The following CCR9 variants were observed in gnomAD, a reference collection of about 807,000 sequenced individuals.
The protein encoded by CCR9 is C-C chemokine receptor type 9.
Under a neutral mutation model 8.7 loss-of-function variants are expected in CCR9, and 4 were observed. That is an observed-to-expected ratio of 0.46 (90% CI 0.23 to 1.06). The LOEUF (loss-of-function observed/expected upper bound fraction) is 1.06, where lower values mean the gene tolerates loss of function less well. Among genes scored for constraint, CCR9 ranks in the 50% least tolerant of loss-of-function variants. The pLI, the probability that CCR9 is intolerant of heterozygous loss-of-function variation, is 0.21. For missense variants in CCR9, 394 were observed against 453.6 expected, an observed-to-expected ratio of 0.87 and a Z score of 1.19; for synonymous variants, 159 against 168.8, an observed-to-expected ratio of 0.94 and a Z score of 0.45.
chr3:45,895,983 G>A (rs1702343654), intron 2 of CCR9, among the ~76,000 whole-genome samples: 1 of 152,192 alleles, frequency 6.6e-6, no homozygotes, highest in South Asian at 2.1e-4. Context: ...ATGATCTATG[G>A]AGAGTGGTGG....
chr3:45,892,668 C>T (rs186998144), intron 1 of CCR9, among the ~76,000 whole-genome samples: 73 of 152,132 alleles, frequency 4.8e-4, no homozygotes, highest in African/African-American at 1.6e-3. Flanking sequence ...CCCCATGACG[C>T]GCAATTTACC....
chr3:45,894,967 G>A lies in CCR9; in HGVS notation c.21+13G>A, dbSNP rs201312364. On this transcript the variant is annotated intron_variant, in intron 2 of 2. Coordinates refer to ENST00000357632, the MANE Select transcript of CCR9 (RefSeq NM_031200.3). ...CACAGACTTCACAGTGAGTACAGCCGTGCTCCTCTGGCTCCTCAAAACACA... is the reference window on the plus strand; with the variant it reads ...CACAGACTTCACAGTGAGTACAGCCATGCTCCTCTGGCTCCTCAAAACACA... 52 of 1,613,368 alleles carry A rather than the reference G, an allele frequency of 3.2e-5. No homozygotes were observed. In the Admixed American group the frequency reaches 4.3e-4, roughly 13 times the overall value.
At chr3:45,891,891 C>T (rs958560918) in intron 1 of CCR9, among the ~76,000 whole-genome samples, 4 of 152,094 alleles carry the variant, frequency 2.6e-5, no homozygotes, top group Non-Finnish European at 5.9e-5. Flanking sequence ...TTTAGGTTGA[C>T]CTTTTTTCCA....
intron 1 of CCR9, among the ~76,000 whole-genome samples, chr3:45,890,490 C>G (rs9862611): frequency 0.52 from 75,965 of 147,322 alleles, 22,609 homozygotes; most frequent in African/African-American, 0.83. Flanking sequence ...TCATCTGGGG[C>G]AAAAAAAAGA....
At position 45,901,977 on chromosome 3, in the gene CCR9, G is replaced by A. The variant is rs1391511834; in HGVS notation, c.*79G>A. 1.7e-6 allele frequency: 2 copies of A among 1,164,426 alleles called. No individual in the cohort carries two copies. The highest frequency in any genetic ancestry group is 2.4e-6 in the Non-Finnish European group (2 of 823,998). The allele number at this position is 1,164,426 out of a possible 1,614,324, so 72.1% of individuals were successfully genotyped here. ...CAGTTTCCCCACTGATGGGACCAGAGAGAGTGAAAGAGAAAAGAAAACTCA... is the reference window on the plus strand; with the variant it reads ...CAGTTTCCCCACTGATGGGACCAGAAAGAGTGAAAGAGAAAAGAAAACTCA... On this transcript the variant is annotated 3_prime_UTR_variant, in exon 3 of 3. Coordinates refer to ENST00000357632, the MANE Select transcript of CCR9 (RefSeq NM_031200.3). The surrounding 1 kb of genome is among the most constrained non-coding windows in gnomAD (Gnocchi z 4.3).
In CCR9 at chr3:45,897,457, C is replaced by T. The variant is rs545746851; in HGVS notation, c.21+2503C>T. On this transcript the variant is annotated intron_variant, in intron 2 of 2. Transcript: ENST00000357632. ...GGACACAATGTCCTTGTCTGGGATT[C>T]AGTCTTGGGAGTGTTAGCTGTGCCT... 2.3e-4 allele frequency: 173 copies of T among 740,714 alleles called. 2 individuals are homozygous for T. In the South Asian group the frequency reaches 2.4e-3, roughly 10 times the overall value. The allele number at this position is 740,714 out of a possible 1,614,324, so 45.9% of individuals were successfully genotyped here.
At chr3:45,897,751 C>G (rs1702404599) in intron 2 of CCR9, 2 of 631,460 alleles carry the variant, frequency 3.2e-6, no homozygotes, top group South Asian at 2.0e-5. Context: ...TCTTTCCTCC[C>G]TTGCCTTCTT....
rs74718475 is a variant in CCR9, at chr3:45,902,245, G to A, written c.*347G>A. The A allele has an allele frequency of 3.6e-3, 761 of 209,742 alleles. 7 individuals are homozygous for A. Among genetic ancestry groups the A allele is most frequent in the African/African-American group, 0.016 (690 of 43,194 alleles). The allele number at this position is 209,742 out of a possible 1,614,324, so 13.0% of individuals were successfully genotyped here. ...TTCTCCATGCACTGTGAACTTCTGT[G>A]GCTTCAGTTCTCATGCTGCCTCTTC... On this transcript the variant is annotated 3_prime_UTR_variant, in exon 3 of 3. Coordinates refer to ENST00000357632, the MANE Select transcript of CCR9 (RefSeq NM_031200.3).
intron 1 of CCR9, among the ~76,000 whole-genome samples, chr3:45,892,731 C>A (rs893867691): frequency 6.6e-6 from 1 of 151,926 alleles, no homozygotes; most frequent in Non-Finnish European, 1.5e-5. Context: ...AGGAAAAAAC[C>A]CACAAAAACA....
At chr3:45,898,182 C>A (rs1446827090) in intron 2 of CCR9, among the ~76,000 whole-genome samples, 3 of 152,164 alleles carry the variant, frequency 2.0e-5, no homozygotes, top group Non-Finnish European at 4.4e-5. Context: ...GGTCTCCATG[C>A]TCTTCACAGT....
At position 45,890,253 on chromosome 3, in the gene CCR9, T is replaced by TTAGAAATATATATATATATTTA. The variant is rs1450993731; in HGVS notation, c.-29+3614_-29+3615insTATTTATAGAAATATATATATA. 1.2e-3 allele frequency among the ~76,000 whole-genome samples: 2 copies of TTAGAAATATATATATATATTTA among 1,716 alleles called. 1 individual carries two copies. Among genetic ancestry groups the TTAGAAATATATATATATATTTA allele is most frequent in the African/African-American group, 1.5e-3 (2 of 1,326 alleles). The allele number at this position is 1,716 out of a possible 152,430, so 1.1% of individuals were successfully genotyped here. On this transcript the variant is annotated intron_variant, in intron 1 of 2. Coordinates refer to ENST00000357632, the MANE Select transcript of CCR9 (RefSeq NM_031200.3). ...AAGGAGGTGACATAAGCCCTGGGTA[T>TTAGAAATATATATATATATTTA]TAGAAATATATATATAACATATATA...
Position 45,901,199 on chromosome 3 carries a change from C to A in CCR9, c.411C>A (p.Ile137=). The change falls in exon 3 of 3, where the codon ATC becomes ATA. Residue 137 remains isoleucine (I), a synonymous_variant. Transcript: ENST00000357632. The surrounding 1 kb of genome is among the most constrained non-coding windows in gnomAD (Gnocchi z 4.3). ...KMNFYSCVLL[I]MCISVDRYIA... Reference sequence around the variant, plus strand: ...ACTTCTACAGCTGTGTGTTGCTGATCATGTGCATCAGCGTGGACAGGTACA... The same window carrying A: ...ACTTCTACAGCTGTGTGTTGCTGATAATGTGCATCAGCGTGGACAGGTACA... The A allele has an allele frequency of 6.2e-7, 1 of 1,614,050 alleles. No individual in the cohort carries two copies. Among genetic ancestry groups the A allele is most frequent in the Non-Finnish European group, 8.5e-7 (1 of 1,179,886 alleles).
intron 2 of CCR9, among the ~76,000 whole-genome samples, chr3:45,899,857 T>C (rs1028035173): frequency 6.6e-6 from 1 of 152,208 alleles, no homozygotes; most frequent in Non-Finnish European, 1.5e-5. Flanking sequence ...TCATTTCCTG[T>C]TTCCGTAGCA....
chr3:45,893,837 G>C (rs1048149814), intron 1 of CCR9, among the ~76,000 whole-genome samples: 5 of 152,210 alleles, frequency 3.3e-5, no homozygotes, highest in African/African-American at 1.2e-4. Flanking sequence ...CACATGGTGA[G>C]TGCATGTATA....
Position 45,900,355 on chromosome 3 carries a change from C to A in CCR9, c.22-455C>A, listed in dbSNP as rs886096054. On this transcript the variant is annotated intron_variant, in intron 2 of 2. Coordinates refer to ENST00000357632, the MANE Select transcript of CCR9 (RefSeq NM_031200.3). The surrounding 1 kb of genome is among the most constrained non-coding windows in gnomAD (Gnocchi z 4.7). ...ACTGGGATCCAGATGAGTTTAAGAG[C>A]CCTTGCTAACCTTTTTAGGGTCAGT... Among the ~76,000 whole-genome samples, 6 of 152,000 alleles carry A rather than the reference C, an allele frequency of 3.9e-5. No homozygotes were observed. Among genetic ancestry groups the A allele is most frequent in the Non-Finnish European group, 8.8e-5 (6 of 67,992 alleles).
In CCR9 at chr3:45,901,616, G is replaced by A. The variant is rs1702560582; in HGVS notation, c.828G>A (p.Val276=). Residue 276 remains valine, a synonymous_variant, in exon 3 of 3, where the codon GTG becomes GTA. Coordinates refer to ENST00000357632, the MANE Select transcript of CCR9 (RefSeq NM_031200.3). The surrounding 1 kb of genome is among the most constrained non-coding windows in gnomAD (Gnocchi z 4.3). ...TTCCCTACAACTGCATTTTGTTGGT[G>A]CAGACCATTGACGCCTATGCCATGT... is the stretch of plus-strand genomic sequence containing the variant. The part of the protein sequence containing the change: ...SQFPYNCILL[V]QTIDAYAMFI... 6.2e-7 allele frequency: 1 copy of A among 1,614,090 alleles called. No individual in the cohort carries two copies. The highest frequency in any genetic ancestry group is 8.5e-7 in the Non-Finnish European group (1 of 1,180,032).
At chr3:45,890,195 A>T (rs1225335335) in intron 1 of CCR9, among the ~76,000 whole-genome samples, 2 of 141,372 alleles carry the variant, frequency 1.4e-5, no homozygotes, top group African/African-American at 5.2e-5. Flanking sequence ...CAGGTATTAC[A>T]TGATTAATAT....
At chr3:45,897,330 C>A (rs932939563) in intron 2 of CCR9, among the ~76,000 whole-genome samples, 5 of 152,066 alleles carry the variant, frequency 3.3e-5, no homozygotes, top group African/African-American at 9.7e-5. Context: ...AAAAAATATG[C>A]CTGGGGAGTC....
chr3:45,901,069 ACCT>A lies in CCR9; in HGVS notation c.286_288del (p.Leu96del), dbSNP rs1463006267. 6.2e-7 allele frequency: 1 copy of A among 1,613,752 alleles called. No individual in the cohort carries two copies. Among genetic ancestry groups the A allele is most frequent in the Admixed American group, 1.7e-5 (1 of 59,980 alleles). On this transcript the variant is annotated inframe_deletion, in exon 3 of 3. Coordinates refer to ENST00000357632, the MANE Select transcript of CCR9 (RefSeq NM_031200.3). This position sits in a 1 kb window ranked among gnomAD's most constrained non-coding sequence, Gnocchi z 4.3. ...TTCCTTTTGAATTTGGCAATTGCTG[ACCT>A]CCTCTTTCTTGTCACTCTTCCCTTC...
Sources: gnomAD v4.1 joint callset for allele counts (sites outside exome capture counted in the v4.1 genomes callset) on GRCh38, gnomAD v4.1.1 for gene constraint, Gnocchi (gnomAD v3.1) non-coding constraint, MANE v1.5 for transcripts, NCBI Gene and HGNC (gene_info 2026-07-23, HGNC 2026-07-21) for gene names.